Variants in COG4 observed in about 807,000 individuals in gnomAD.
COG4 encodes component of oligomeric golgi complex 4.
COG4 carries 65 observed loss-of-function variants against 95.1 expected under a neutral mutation model. The ratio of observed to expected loss-of-function variants is 0.68; its 90% CI spans 0.56 to 0.84. The LOEUF is 0.84. Among genes scored for constraint, COG4 ranks in the 40% least tolerant of loss-of-function variants. The pLI, the probability that COG4 is intolerant of heterozygous loss-of-function variation, is 0.00. For synonymous variants in COG4, 421 were observed against 374.8 expected, an observed-to-expected ratio of 1.12 and a Z score of -1.42; for missense variants, 1,045 against 989.1, an observed-to-expected ratio of 1.06 and a Z score of -0.76.
intron 8 of COG4, 135 bp downstream of exon 8, chr16:70,508,271 A>C (rs1390517681): frequency 1.3e-5 from 10 of 781,176 alleles, no homozygotes; most frequent in South Asian, 1.2e-4. Flanking sequence ...CATATGATAC[A>C]TTGCACTGAA....
chr16:70,484,248 C>T (rs2049081595), intron 13 of COG4, among the ~76,000 whole-genome samples: 1 of 152,190 alleles, frequency 6.6e-6, no homozygotes, highest in Admixed American at 6.5e-5. Flanking sequence ...AGTCCTGGCT[C>T]AGTCATGTAT....
intron 5 of COG4, among the ~76,000 whole-genome samples, chr16:70,511,431 T>A (rs533816139): frequency 2.0e-5 from 3 of 151,836 alleles, no homozygotes; most frequent in Non-Finnish European, 4.4e-5. Context: ...CACAGACATA[T>A]AGCTAAAAAA....
intron 7 of COG4, chr16:70,508,755 G>C (rs768127898): frequency 1.6e-6 from 1 of 608,308 alleles, no homozygotes; most frequent in Non-Finnish European, 3.1e-6. Context: ...AAATACAATT[G>C]TATGAGGCCA....
chr16:70,521,496 A>G (rs190088279), intron 1 of COG4, among the ~76,000 whole-genome samples: 1 of 152,146 alleles, frequency 6.6e-6, no homozygotes, highest in East Asian at 1.9e-4. Flanking sequence ...TGCTGGTATT[A>G]CAGGCATGAG....
Position 70,482,087 on chromosome 16 carries a change from C to T in COG4, c.2004+5G>A. 3 of 1,612,070 alleles carry T rather than the reference C, an allele frequency of 1.9e-6. 1 individual carries two copies. The highest frequency in any genetic ancestry group is 2.5e-6 in the Non-Finnish European group (3 of 1,178,188). ...CCTAAGTGGATCCCTAGGGCCCCTG[C>T]TCACCTTGAACTCTGCCATTTGCTG... On this transcript the variant is annotated splice_donor_5th_base_variant and intron_variant, in intron 16 of 18. Transcript: ENST00000323786.
intron 8 of COG4, among the ~76,000 whole-genome samples, chr16:70,506,526 G>T (rs1597678706): frequency 7.2e-6 from 1 of 139,474 alleles, no homozygotes; most frequent in Admixed American, 7.7e-5. Context: ...AGCAGGTGGA[G>T]GTTTTGGTGA....
In COG4 at chr16:70,514,465, G is replaced by A; in HGVS notation, c.414C>T (p.Asp138=). 1 of 1,614,088 alleles carries A rather than the reference G, an allele frequency of 6.2e-7. No individual in the cohort carries two copies. Among genetic ancestry groups the A allele is most frequent in the Non-Finnish European group, 8.5e-7 (1 of 1,180,024 alleles). Residue 138 remains aspartate, a synonymous_variant, in exon 4 of 19, where the codon GAC becomes GAT. Coordinates refer to ENST00000323786, the MANE Select transcript of COG4 (RefSeq NM_015386.3). ...GAACTCCATCCATGCAGAACTTCAGGTCCAAGATGTCATCAGCTCTCTGAA... is the reference window on the plus strand; with the variant it reads ...GAACTCCATCCATGCAGAACTTCAGATCCAAGATGTCATCAGCTCTCTGAA... ...QAIQRADDIL[D]LKFCMDGVQT... is the part of the protein sequence containing the mutation.
intron 5 of COG4, among the ~76,000 whole-genome samples, chr16:70,510,867 G>A (rs370837762): frequency 4.0e-5 from 6 of 151,418 alleles, no homozygotes; most frequent in African/African-American, 7.3e-5. Context: ...CGGCTCAAGC[G>A]ATTCTCCTGT....
At chr16:70,510,565 T>C (rs530199167) in intron 5 of COG4, among the ~76,000 whole-genome samples, 1 of 152,164 alleles carries the variant, frequency 6.6e-6, no homozygotes, top group Non-Finnish European at 1.5e-5. Flanking sequence ...CCTCAAGCAA[T>C]CCTCTTGCCT....
chr16:70,498,743 T>C (rs1163610570), intron 9 of COG4, among the ~76,000 whole-genome samples: 2 of 152,216 alleles, frequency 1.3e-5, no homozygotes, highest in Non-Finnish European at 2.9e-5. Flanking sequence ...ATCACAATAA[T>C]TGGAGATTAT....
At chr16:70,522,011 T>G (rs1045094878) in intron 1 of COG4, among the ~76,000 whole-genome samples, 2 of 150,652 alleles carry the variant, frequency 1.3e-5, no homozygotes, top group South Asian at 4.2e-4. Flanking sequence ...TTTTTTTTTT[T>G]TAAGAGACAC....
intron 1 of COG4, among the ~76,000 whole-genome samples, chr16:70,520,283 A>G (rs1279339212): frequency 6.6e-6 from 1 of 151,050 alleles, no homozygotes; most frequent in Non-Finnish European, 1.5e-5. Flanking sequence ...AAAATATAAA[A>G]ATACAAAAAA....
intron 1 of COG4, among the ~76,000 whole-genome samples, chr16:70,520,367 C>CG (rs1379421217): frequency 2.3e-4 from 4 of 17,654 alleles, no homozygotes; most frequent in African/African-American, 1.4e-3. Flanking sequence ...GACATGAACC[C>CG]GGGGGGTGGG....
chr16:70,501,013 C>G lies in COG4; in HGVS notation c.1140G>C (p.Arg380Ser). The change falls in exon 9 of 19, where the codon AGG becomes AGC. Residue 380 changes from arginine to serine, a missense_variant. Physicochemically the swap from Arg to Ser is moderately radical, Grantham distance 110 (BLOSUM62 -1). Transcript: ENST00000323786. The stretch of plus-strand genomic sequence containing the variant: ...CTCCCACCTCAAAATCAGAGCTAAT[C>G]CTCTTCTTGAGGAAGCGTAAGTATA... ...SELYLRFLKKRISSDFEVGDS... is the reference protein window; with the variant it reads ...SELYLRFLKKSISSDFEVGDS... 6.2e-7 allele frequency: 1 copy of G among 1,614,062 alleles called. No individual in the cohort carries two copies. Among genetic ancestry groups the G allele is most frequent in the Non-Finnish European group, 8.5e-7 (1 of 1,179,994 alleles).
At chr16:70,484,981 T>C (rs2049097422) in intron 13 of COG4, among the ~76,000 whole-genome samples, 1 of 152,168 alleles carries the variant, frequency 6.6e-6, no homozygotes, top group Non-Finnish European at 1.5e-5. Context: ...TAAAAAAAAG[T>C]ATCTCCTTTA....
chr16:70,487,458 G>C (rs1460139590), intron 13 of COG4, among the ~76,000 whole-genome samples: 1 of 151,996 alleles, frequency 6.6e-6, no homozygotes, highest in South Asian at 2.1e-4. Flanking sequence ...TTAGCTGGGC[G>C]TGGTGGCAGG....
chr16:70,505,685 C>T lies in COG4; in HGVS notation c.1061+2721G>A, dbSNP rs560419048. 2.3e-4 allele frequency among the ~76,000 whole-genome samples: 35 copies of T among 150,740 alleles called. 1 individual carries two copies. Among genetic ancestry groups the T allele is most frequent in the Admixed American group, 4.0e-4 (6 of 15,142 alleles). On this transcript the variant is annotated intron_variant, in intron 8 of 18. Transcript: ENST00000323786. Reference sequence around the variant, plus strand: ...TCTACTAAAAATACAAAAAATTAGCCGGGCGTGGTGGCAGACGCCTGTAGT... The same window carrying T: ...TCTACTAAAAATACAAAAAATTAGCTGGGCGTGGTGGCAGACGCCTGTAGT...
At chr16:70,510,650 A>C (rs1052736461) in intron 5 of COG4, among the ~76,000 whole-genome samples, 1 of 152,074 alleles carries the variant, frequency 6.6e-6, no homozygotes, top group African/African-American at 2.4e-5. Flanking sequence ...TGCTTTCTCA[A>C]GCACGACAAA....
chr16:70,509,349 T>C lies in COG4; in HGVS notation c.884A>G (p.Glu295Gly). 6.2e-7 allele frequency: 1 copy of C among 1,614,186 alleles called. No individual in the cohort carries two copies. Among genetic ancestry groups the C allele is most frequent in the Non-Finnish European group, 8.5e-7 (1 of 1,180,026 alleles). The stretch of plus-strand genomic sequence containing the variant: ...GAGTCTCCCTGGCCCATAATAGGTC[T>C]CCACTATTGGCTGGTGGGTCTCCAC... The part of the protein sequence containing the change: ...RIVETHQPIV[E>G]TYYGPGRLYT... Residue 295 changes from glutamate (E) to glycine (G), a missense_variant, in exon 7 of 19, where the codon GAG becomes GGG. By Grantham distance (98) the Glu-to-Gly change is moderately conservative (BLOSUM62 -2). Transcript: ENST00000323786.
Sources: gnomAD v4.1 joint callset for allele counts (sites outside exome capture counted in the v4.1 genomes callset) on GRCh38, gnomAD v4.1.1 for gene constraint, MANE v1.5 for transcripts, NCBI Gene and HGNC (gene_info 2026-07-23, HGNC 2026-07-21) for gene names.